The following SEMA5A variants were observed in gnomAD, a reference collection of about 807,000 sequenced individuals.
The protein encoded by SEMA5A is semaphorin 5A.
In SEMA5A, 55 loss-of-function variants were observed where a neutral mutation model predicts 135.5. The observed-to-expected ratio is 0.41, with a 90% CI of 0.33 to 0.51. The LOEUF is 0.51. SEMA5A is among the 20% of genes least tolerant of loss of function. The pLI, the probability that SEMA5A is intolerant of heterozygous loss-of-function variation, is 0.37. For missense variants in SEMA5A, 1,290 were observed against 1,419.9 expected, an observed-to-expected ratio of 0.91 and a Z score of 1.47; for synonymous variants, 580 against 546.5, an observed-to-expected ratio of 1.06 and a Z score of -0.85.
intron 5 of SEMA5A, among the ~76,000 whole-genome samples, chr5:9,274,122 T>C (rs1268438028): frequency 6.6e-6 from 1 of 151,840 alleles, no homozygotes; most frequent in Non-Finnish European, 1.5e-5. Context: ...ACACATAGGC[T>C]CAAAATAAAG....
chr5:9,303,017 C>T (rs1256214953), intron 5 of SEMA5A, among the ~76,000 whole-genome samples: 1 of 151,996 alleles, frequency 6.6e-6, no homozygotes, highest in Non-Finnish European at 1.5e-5. Flanking sequence ...ATCCAAACCA[C>T]TCACCACATG....
chr5:9,427,125 A>G (rs1157960470), intron 2 of SEMA5A, among the ~76,000 whole-genome samples: 1 of 152,324 alleles, frequency 6.6e-6, no homozygotes, highest in Admixed American at 6.5e-5. Flanking sequence ...TGCCTGGCTA[A>G]CATGGTGAAA....
chr5:9,352,095 G>A (rs1267789297), intron 3 of SEMA5A, among the ~76,000 whole-genome samples: 1 of 10,244 alleles, frequency 9.8e-5, no homozygotes, highest in Non-Finnish European at 1.8e-3. Context: ...GTAACAGGTC[G>A]GGGGGGTTAC....
At chr5:9,233,465 C>T (rs1009047385) in intron 6 of SEMA5A, among the ~76,000 whole-genome samples, 1 of 152,012 alleles carries the variant, frequency 6.6e-6, no homozygotes, top group African/African-American at 2.4e-5. Flanking sequence ...TCCCCACCCC[C>T]ACTTTTTTTC....
chr5:9,329,860 T>C (rs1753042166), intron 4 of SEMA5A, among the ~76,000 whole-genome samples: 1 of 152,224 alleles, frequency 6.6e-6, no homozygotes, highest in South Asian at 2.1e-4. Context: ...TATTTGCCTA[T>C]AACCTATGCA....
chr5:9,459,627 C>G (rs1025998501), intron 1 of SEMA5A, among the ~76,000 whole-genome samples: 1 of 152,146 alleles, frequency 6.6e-6, no homozygotes, highest in Non-Finnish European at 1.5e-5. Context: ...TCGGAGAAAA[C>G]TGAACAAAGC....
chr5:9,291,978 GCCCCATT>G (rs1302769558), intron 5 of SEMA5A, among the ~76,000 whole-genome samples: 3 of 152,064 alleles, frequency 2.0e-5, no homozygotes, highest in Admixed American at 6.6e-5. Flanking sequence ...CATACAGGAA[GCCCCATT>G]CCCCTACCTG....
intron 11 of SEMA5A, among the ~76,000 whole-genome samples, chr5:9,176,487 T>C (rs1027919111): frequency 6.6e-6 from 1 of 152,228 alleles, no homozygotes; most frequent in Admixed American, 6.5e-5. Context: ...AAGCAGTGCC[T>C]GGGGTCCAGG....
intron 4 of SEMA5A, among the ~76,000 whole-genome samples, chr5:9,328,232 T>C (rs910866046): frequency 2.0e-5 from 3 of 152,184 alleles, no homozygotes; most frequent in African/African-American, 7.2e-5. Context: ...CTCATCTCCA[T>C]TGCCATCATC....
chr5:9,507,411 C>A (rs192181046), intron 1 of SEMA5A, among the ~76,000 whole-genome samples: 108 of 152,340 alleles, frequency 7.1e-4, no homozygotes, highest in African/African-American at 2.3e-3. Flanking sequence ...TTTTCCCACA[C>A]ATGCCTTAAT....
chr5:9,151,119 G>T (rs532090038), intron 12 of SEMA5A, among the ~76,000 whole-genome samples: 63 of 152,120 alleles, frequency 4.1e-4, no homozygotes, highest in Admixed American at 5.9e-4. Flanking sequence ...TTACTTTCAG[G>T]ATTGACATAA....
chr5:9,180,517 T>A (rs1032256990), intron 11 of SEMA5A, among the ~76,000 whole-genome samples: 3 of 150,344 alleles, frequency 2.0e-5, no homozygotes, highest in East Asian at 2.0e-4. Context: ...AAAAAAAAAA[T>A]TCCAACATGA....
At chr5:9,165,895 C>T (rs562865605) in intron 11 of SEMA5A, among the ~76,000 whole-genome samples, 12 of 152,074 alleles carry the variant, frequency 7.9e-5, no homozygotes, top group Middle Eastern at 3.4e-3. Context: ...AACTTGTAAA[C>T]GAGCAAATGA....
intron 1 of SEMA5A, among the ~76,000 whole-genome samples, chr5:9,451,122 A>C (rs1243869127): frequency 6.6e-6 from 1 of 152,192 alleles, no homozygotes; most frequent in Non-Finnish European, 1.5e-5. Flanking sequence ...TTCAACTAAG[A>C]GGCTGTTGTC....
intron 2 of SEMA5A, among the ~76,000 whole-genome samples, chr5:9,402,334 T>C (rs693487): frequency 0.51 from 78,079 of 152,112 alleles, 20,276 homozygotes; most frequent in Admixed American, 0.6. Flanking sequence ...TATGACTTTA[T>C]CTATGATTCC....
intron 5 of SEMA5A, among the ~76,000 whole-genome samples, chr5:9,315,632 G>GT (rs1425321051): frequency 6.6e-6 from 1 of 152,118 alleles, no homozygotes; most frequent in Non-Finnish European, 1.5e-5. Context: ...GTAGAGGCCA[G>GT]TTTTTTGTAG....
At chr5:9,449,647 T>C (rs1257355914) in intron 1 of SEMA5A, among the ~76,000 whole-genome samples, 1 of 151,360 alleles carries the variant, frequency 6.6e-6, no homozygotes, top group Non-Finnish European at 1.5e-5. Flanking sequence ...TGTGTGTAAA[T>C]ATTAACAGGG....
In SEMA5A at chr5:9,190,315, C is replaced by G; in HGVS notation, c.1225G>C (p.Val409Leu). 1.2e-6 allele frequency: 2 copies of G among 1,614,150 alleles called. No individual in the cohort carries two copies. Among genetic ancestry groups the G allele is most frequent in the South Asian group, 2.2e-5 (2 of 91,080 alleles). The change falls in exon 11 of 23, where the codon GTG becomes CTG. Residue 409 changes from valine to leucine, a missense_variant. Val to Leu is a conservative substitution (Grantham distance 32). Coordinates refer to ENST00000382496, the MANE Select transcript of SEMA5A (RefSeq NM_003966.3). ...ACGAGCGCTTCTCTGCCCTGCACCA[C>G]GTCGACTGCCACGTGGGAAAAGCGG... Reference protein sequence around the residue: ...NSRFSHVAVDVVQGREALVHI... With the variant: ...NSRFSHVAVDLVQGREALVHI...
intron 1 of SEMA5A, among the ~76,000 whole-genome samples, chr5:9,448,779 G>C (rs1334339269): frequency 6.6e-6 from 1 of 152,140 alleles, no homozygotes; most frequent in Admixed American, 6.5e-5. Context: ...TGACATCCCC[G>C]TGTGATGTTG....
Sources: allele counts gnomAD v4.1 joint callset (sites outside exome capture counted in the v4.1 genomes callset), GRCh38; gene constraint gnomAD v4.1.1; transcripts MANE v1.5; gene names NCBI Gene and HGNC (gene_info 2026-07-23, HGNC 2026-07-21).